Variants in SPIRE2 observed in about 807,000 individuals in gnomAD.
The protein encoded by SPIRE2 is spire type actin nucleation factor 2, also known as protein spire homolog 2.
Under a neutral mutation model 80.7 loss-of-function variants are expected in SPIRE2, and 76 were observed. The ratio of observed to expected loss-of-function variants is 0.94; its 90% CI spans 0.78 to 1.14. The LOEUF is 1.14. Among genes scored for constraint, SPIRE2 ranks in the 50% most tolerant of loss-of-function variants. SPIRE2 has a pLI of 0.00. For missense variants in SPIRE2, 1,196 were observed against 1,015.3 expected (o/e 1.18, Z -2.42); for synonymous variants, 535 against 432.6 (o/e 1.24, Z -2.94).
At chr16:89,846,917 G>A (rs575543413) in intron 2 of SPIRE2, 9 of 149,142 alleles carry the variant, frequency 6.0e-5, no homozygotes, top group African/African-American at 2.2e-4. Flanking sequence ...CAATTCTCCT[G>A]CCTCAGTCTC....
At chr16:89,838,008 T>G (rs1410528272) in intron 1 of SPIRE2, among the ~76,000 whole-genome samples, 1 of 133,860 alleles carries the variant, frequency 7.5e-6, no homozygotes, top group Non-Finnish European at 1.8e-5. Context: ...CAGCTTCTTT[T>G]TTTGTTTTTA....
At chr16:89,837,616 G>A (rs1321083954) in intron 1 of SPIRE2, among the ~76,000 whole-genome samples, 1 of 152,214 alleles carries the variant, frequency 6.6e-6, no homozygotes, top group African/African-American at 2.4e-5. Context: ...CCCTGCAGGA[G>A]CGGAGAAGCG....
chr16:89,850,305 C>T lies in SPIRE2; in HGVS notation c.290C>T (p.Thr97Ile). The T allele has an allele frequency of 6.2e-7, 1 of 1,602,628 alleles. No homozygotes were observed. Among genetic ancestry groups the T allele is most frequent in the Middle Eastern group, 1.7e-4 (1 of 6,054 alleles). The change falls in exon 3 of 15, where the codon ACC becomes ATC. Residue 97 changes from threonine (T) to isoleucine (I), a missense_variant and splice_region_variant. By Grantham distance (89) the Thr-to-Ile change is moderately conservative (BLOSUM62 -1). Coordinates refer to ENST00000378247, the MANE Select transcript of SPIRE2 (RefSeq NM_032451.2). ...AGTGACCGCGCCCCTGTCCCGCAGA[C>T]CGTGCAGTCCCTCGGCTTCGCCATC... ...VVPLASSEAQ[T>I]VQSLGFAIYR...
chr16:89,851,068 G>A (rs1015348986), intron 3 of SPIRE2, among the ~76,000 whole-genome samples: 1 of 152,076 alleles, frequency 6.6e-6, no homozygotes, highest in African/African-American at 2.4e-5. Flanking sequence ...TGATCCATCT[G>A]CGTCGGCCTC....
intron 1 of SPIRE2, among the ~76,000 whole-genome samples, chr16:89,832,202 G>C (rs368874404): frequency 1.3e-5 from 2 of 152,230 alleles, no homozygotes; most frequent in East Asian, 3.9e-4. Context: ...ACGGAAGCCC[G>C]TTTGTGTGTC....
At chr16:89,868,129 T>G in intron 12 of SPIRE2, 60 bp from the exon 13 acceptor site, 1 of 1,603,936 alleles carries the variant, frequency 6.2e-7, no homozygotes, top group Non-Finnish European at 8.5e-7. Context: ...ATGCGACTGT[T>G]TCTCAGCTGT....
chr16:89,833,225 G>C (rs1367374314), intron 1 of SPIRE2, among the ~76,000 whole-genome samples: 1 of 151,958 alleles, frequency 6.6e-6, no homozygotes, highest in Non-Finnish European at 1.5e-5. Context: ...CTGACCTCAG[G>C]TGATCCGCCT....
At chr16:89,836,149 T>C (rs906279487) in intron 1 of SPIRE2, 1 of 454,924 alleles carries the variant, frequency 2.2e-6, no homozygotes, top group Admixed American at 2.4e-5. Context: ...CCCTCCAGCC[T>C]GGGCGACACA....
chr16:89,862,974 G>A (rs975323454), intron 10 of SPIRE2: 15 of 165,090 alleles, frequency 9.1e-5, no homozygotes, highest in African/African-American at 3.6e-4. Context: ...GCACAGGGAA[G>A]CAAAAACAGG....
intron 1 of SPIRE2, among the ~76,000 whole-genome samples, chr16:89,841,082 G>C (rs991226898): frequency 2.6e-5 from 4 of 151,830 alleles, no homozygotes; most frequent in Admixed American, 6.6e-5. Context: ...ACTTTGGGAG[G>C]CTGAGGCGGG....
At chr16:89,866,139 A>C (rs1597225339) in intron 12 of SPIRE2, among the ~76,000 whole-genome samples, 1 of 151,574 alleles carries the variant, frequency 6.6e-6, no homozygotes, top group Non-Finnish European at 1.5e-5. Flanking sequence ...ACAGAGCAAG[A>C]CCTGTCTGGG....
chr16:89,861,798 T>C (rs946718125), intron 10 of SPIRE2, among the ~76,000 whole-genome samples: 1 of 152,170 alleles, frequency 6.6e-6, no homozygotes, highest in African/African-American at 2.4e-5. Flanking sequence ...AGTCCCTTGC[T>C]GTGTAGGCCT....
In SPIRE2 at chr16:89,855,722, C is replaced by T. The variant is rs556748901; in HGVS notation, c.978+36C>T. 31 of 1,600,982 alleles carry T rather than the reference C, an allele frequency of 1.9e-5. No homozygotes were observed. In the South Asian group the frequency reaches 2.7e-4, roughly 14 times the overall value. ...AGCCTCCTCCTCCTCAGGGGCCGCC[C>T]GGGGCCTGGTGCTGTCCTGTAGCCA... On this transcript the variant is annotated intron_variant, in intron 6 of 14. Coordinates refer to ENST00000378247, the MANE Select transcript of SPIRE2 (RefSeq NM_032451.2).
In SPIRE2 at chr16:89,828,564, G is replaced by A. The variant is rs1448333160; in HGVS notation, c.14G>A (p.Gly5Asp). 7 of 1,141,668 alleles carry A rather than the reference G, an allele frequency of 6.1e-6. No individual in the cohort carries two copies. The highest frequency in any genetic ancestry group is 7.5e-6 in the Non-Finnish European group (7 of 934,276). The allele number at this position is 1,141,668 out of a possible 1,614,324, so 70.7% of individuals were successfully genotyped here. MARA[G>D]SCGGAAAGAG... ...GACGGCCCCGCCATGGCCCGGGCGG[G>A]CAGCTGCGGCGGCGCCGCGGCGGGC... The change falls in exon 1 of 15, where the codon GGC becomes GAC. Residue 5 changes from glycine to aspartate, a missense_variant. Coordinates refer to ENST00000378247, the MANE Select transcript of SPIRE2 (RefSeq NM_032451.2). This position sits in a 1 kb window ranked among gnomAD's most constrained non-coding sequence, Gnocchi z 5.9.
chr16:89,848,380 G>A (rs1246349719), intron 2 of SPIRE2, among the ~76,000 whole-genome samples: 1 of 152,222 alleles, frequency 6.6e-6, no homozygotes, highest in African/African-American at 2.4e-5. Context: ...GTGGGCTGGG[G>A]CTCCACTCCC....
At chr16:89,852,631 T>A (rs1376398936) in intron 3 of SPIRE2, among the ~76,000 whole-genome samples, 1 of 38,282 alleles carries the variant, frequency 2.6e-5, no homozygotes, top group Non-Finnish European at 5.1e-5. Context: ...CTGGCCCGTC[T>A]TCCGTCCTCC....
intron 1 of SPIRE2, among the ~76,000 whole-genome samples, chr16:89,842,236 G>A (rs12922448): frequency 0.43 from 48,663 of 112,958 alleles, 11,781 homozygotes; most frequent in East Asian, 0.71. Context: ...TTTTTGTGAC[G>A]GAGTCTCACT....
chr16:89,850,105 G>C, intron 2 of SPIRE2, 199 bp from the exon 3 acceptor site: 1 of 697,300 alleles, frequency 1.4e-6, no homozygotes, highest in Non-Finnish European at 2.6e-6. Flanking sequence ...CAAAGTGCTG[G>C]GATTACAGGT....
chr16:89,870,932 A>T lies in SPIRE2; in HGVS notation c.*660A>T, dbSNP rs2041834349. ...GAAATGTTGTCTCTACTGAAAATGC[A>T]AAAATTAGCCAGGTATAGTGGCAGG... On this transcript the variant is annotated 3_prime_UTR_variant, in exon 15 of 15. Transcript: ENST00000378247. 1 of 152,696 alleles carries T rather than the reference A, an allele frequency of 6.5e-6. No individual in the cohort carries two copies. Among genetic ancestry groups the T allele is most frequent in the Admixed American group, 6.5e-5 (1 of 15,366 alleles). 9.5% of individuals were successfully genotyped at this position (152,696 alleles called of 1,614,324 possible). A position where few individuals can be genotyped will look rare whatever the true frequency, so the allele number is the denominator to read the frequency against.
Sources: allele counts gnomAD v4.1 joint callset (sites outside exome capture counted in the v4.1 genomes callset), GRCh38; gene constraint gnomAD v4.1.1; non-coding constraint Gnocchi (gnomAD v3.1); transcripts MANE v1.5; gene names NCBI Gene and HGNC (gene_info 2026-07-23, HGNC 2026-07-21).